The following TMCO6 variants were observed in gnomAD, a reference collection of about 807,000 sequenced individuals.
The protein encoded by TMCO6 is transmembrane and coiled-coil domain-containing protein 6.
In TMCO6, 47 loss-of-function variants were observed where a neutral mutation model predicts 61.8. The observed-to-expected ratio is 0.76, with a 90% CI of 0.60 to 0.97. The LOEUF (loss-of-function observed/expected upper bound fraction) is 0.97, where lower values mean the gene tolerates loss of function less well. Among genes scored for constraint, TMCO6 ranks in the 50% least tolerant of loss-of-function variants. TMCO6 has a pLI of 0.00. For missense variants in TMCO6, 557 were observed against 601.6 expected (o/e 0.93, Z 0.78); for synonymous variants, 261 against 254.2 (o/e 1.03, Z -0.25).
the TMCO6 span, among the ~76,000 whole-genome samples, chr5:140,615,853 C>G: frequency 2.0e-5 from 3 of 152,174 alleles, no homozygotes; most frequent in African/African-American, 7.2e-5. Context: ...AAACATAAGG[C>G]TAGGTGCAGT....
the TMCO6 span, among the ~76,000 whole-genome samples, chr5:140,622,416 T>A: frequency 6.6e-6 from 1 of 152,098 alleles, no homozygotes; most frequent in East Asian, 1.9e-4. Flanking sequence ...TCTGCTCAAG[T>A]TTATTCCTCC....
upstream of TMCO6, among the ~76,000 whole-genome samples, chr5:140,637,856 G>T (rs867611249): frequency 6.6e-6 from 1 of 150,924 alleles, no homozygotes; most frequent in Non-Finnish European, 1.5e-5. Context: ...GCCCCCCACC[G>T]CCCCACTTCG....
the TMCO6 span, among the ~76,000 whole-genome samples, chr5:140,596,636 G>A: frequency 6.6e-6 from 1 of 152,206 alleles, no homozygotes; most frequent in Non-Finnish European, 1.5e-5. Flanking sequence ...CCAGTGATAA[G>A]GAGCGACTGG....
chr5:140,642,877 C>T (rs202109108), intron 6 of TMCO6, 48 bp from the exon 7 acceptor site: 132 of 1,613,784 alleles, frequency 8.2e-5, no homozygotes, highest in Non-Finnish European at 1.1e-4. Context: ...TGGTAAGAAC[C>T]ACTGGCATCT....
At chr5:140,618,952 A>C in the TMCO6 span, among the ~76,000 whole-genome samples, 3 of 152,228 alleles carry the variant, frequency 2.0e-5, no homozygotes, top group Non-Finnish European at 4.4e-5. Context: ...GGCAGAGTTC[A>C]TAAAAGAAAG....
Position 140,644,650 on chromosome 5 carries a change from C to T in TMCO6, c.1278C>T (p.Pro426=), listed in dbSNP as rs754266586. 6.2e-6 allele frequency: 10 copies of T among 1,614,250 alleles called. No individual in the cohort carries two copies. The highest frequency in any genetic ancestry group is 3.3e-5 in the Admixed American group (2 of 60,016). Residue 426 remains proline, a synonymous_variant, in exon 11 of 12, where the codon CCC becomes CCT. Transcript: ENST00000394671. ...CQRLWPGPLL[P]ALLHTLAFSD... is the part of the protein sequence containing the mutation. ...GGCTGTGGCCAGGGCCCCTGCTTCC[C>T]GCCTTGCTGCACACACTAGCCTTTT...
chr5:140,633,411 G>A, the TMCO6 span: 2 of 481,256 alleles, frequency 4.2e-6, no homozygotes, highest in South Asian at 4.2e-5. Context: ...CGCCCCAGGC[G>A]GTGAATGCCC....
the TMCO6 span, among the ~76,000 whole-genome samples, chr5:140,607,664 G>A: frequency 4.6e-5 from 7 of 152,064 alleles, no homozygotes; most frequent in African/African-American, 9.6e-5. Context: ...CATTCCCACC[G>A]AAAATTTATG....
the TMCO6 span, among the ~76,000 whole-genome samples, chr5:140,612,324 C>T: frequency 6.9e-6 from 1 of 144,864 alleles, no homozygotes; most frequent in African/African-American, 2.5e-5. Context: ...ATTAACACAA[C>T]TTGCCCAATC....
At chr5:140,629,697 C>A in the TMCO6 span, among the ~76,000 whole-genome samples, 2 of 152,002 alleles carry the variant, frequency 1.3e-5, no homozygotes, top group African/African-American at 4.8e-5. Context: ...ACTTTGGGAG[C>A]CCGAGGCAGG....
chr5:140,625,890 A>T, the TMCO6 span, among the ~76,000 whole-genome samples: 2 of 152,200 alleles, frequency 1.3e-5, no homozygotes, highest in African/African-American at 4.8e-5. Flanking sequence ...TAGAGGAGGC[A>T]TAGGGAGTTG....
At chr5:140,613,807 A>C in the TMCO6 span, among the ~76,000 whole-genome samples, 1 of 152,006 alleles carries the variant, frequency 6.6e-6, no homozygotes, top group Non-Finnish European at 1.5e-5. Context: ...TCCTGGCCTT[A>C]AGCAATCCTC....
At chr5:140,619,384 A>C in the TMCO6 span, among the ~76,000 whole-genome samples, 1 of 152,178 alleles carries the variant, frequency 6.6e-6, no homozygotes, top group African/African-American at 2.4e-5. Context: ...AACACAAATA[A>C]AACAGCTTGG....
intron 7 of TMCO6, 152 bp downstream of exon 7, chr5:140,643,193 A>G: frequency 8.7e-7 from 1 of 1,154,784 alleles, no homozygotes; most frequent in Non-Finnish European, 1.2e-6. Flanking sequence ...CACAGACCTT[A>G]GCTGTTTCTC....
the TMCO6 span, among the ~76,000 whole-genome samples, chr5:140,618,228 G>A: frequency 3.3e-5 from 5 of 152,170 alleles, no homozygotes; most frequent in South Asian, 2.1e-4. Flanking sequence ...TCAGGAGTTC[G>A]AAACCAGCCT....
At chr5:140,622,456 A>G in the TMCO6 span, among the ~76,000 whole-genome samples, 1 of 152,138 alleles carries the variant, frequency 6.6e-6, no homozygotes, top group African/African-American at 2.4e-5. Flanking sequence ...GATACACAGG[A>G]GTGGAGGTGT....
chr5:140,634,486 T>C (rs933873529), upstream of TMCO6, among the ~76,000 whole-genome samples: 1 of 146,512 alleles, frequency 6.8e-6, no homozygotes, highest in Non-Finnish European at 1.5e-5. Flanking sequence ...GAAAGTCTTT[T>C]TTTTTTTTTT....
At chr5:140,604,122 T>C in the TMCO6 span, among the ~76,000 whole-genome samples, 1 of 152,222 alleles carries the variant, frequency 6.6e-6, no homozygotes, top group African/African-American at 2.4e-5. Context: ...TTCATATGCT[T>C]GTTAGCCATT....
chr5:140,628,103 G>C, the TMCO6 span, among the ~76,000 whole-genome samples: 2 of 150,840 alleles, frequency 1.3e-5, no homozygotes, highest in Admixed American at 1.3e-4. Flanking sequence ...CCGCCTCCCA[G>C]ATTCAAGTGA....
Sources: gnomAD v4.1 joint callset for allele counts (sites outside exome capture counted in the v4.1 genomes callset) on GRCh38, gnomAD v4.1.1 for gene constraint, MANE v1.5 for transcripts, NCBI Gene and HGNC (gene_info 2026-07-23, HGNC 2026-07-21) for gene names.